The following SH3TC2 variants were observed in gnomAD, a reference collection of about 807,000 sequenced individuals.
The protein encoded by SH3TC2 is SH3 domain and tetratricopeptide repeat-containing protein 2.
A neutral mutation model predicts 124.5 loss-of-function variants in SH3TC2; 87 were observed. The ratio of observed to expected loss-of-function variants is 0.70; its 90% CI spans 0.59 to 0.84. The LOEUF (loss-of-function observed/expected upper bound fraction) is 0.84. Among genes scored for constraint, SH3TC2 ranks in the 40% least tolerant of loss-of-function variants. SH3TC2 has a pLI of 0.00. For synonymous variants in SH3TC2, 634 were observed against 628.5 expected (o/e 1.01, Z -0.13); for missense variants, 1,536 against 1,566.4 (o/e 0.98, Z 0.33).
In SH3TC2 at chr5:149,026,872, G is replaced by A. The variant is rs80338933; in HGVS notation, c.2860C>T (p.Arg954Ter). Residue 954 changes from arginine to a stop codon, truncating the protein, a stop_gained, in exon 11 of 17, where the codon CGA (arginine) becomes TGA (stop). Coordinates refer to ENST00000515425, the MANE Select transcript of SH3TC2 (RefSeq NM_024577.4). LOFTEE classifies it high-confidence loss of function. ...EMALLFGLRH[R>*]HLKSQLQATK... ...GGGACATACTTACTCTTTAGATGTCGATGCCTTAAGCCAAACAGCAATGCC... is the reference window on the plus strand; with the variant it reads ...GGGACATACTTACTCTTTAGATGTCAATGCCTTAAGCCAAACAGCAATGCC... 1.0e-3 allele frequency: 1,683 copies of A among 1,614,014 alleles called. 1 individual carries two copies. Among genetic ancestry groups the A allele is most frequent in the Non-Finnish European group, 1.3e-3 (1,527 of 1,180,040 alleles).
chr5:148,991,110 A>C lies in SH3TC2; in HGVS notation c.*13601T>G, dbSNP rs1026747352. On this transcript the variant is annotated 3_prime_UTR_variant, in exon 17 of 17. Transcript: ENST00000515425. Reference sequence around the variant, plus strand: ...TCCCTCAGAAGCCCCAAAACGTTTAATATGACCCTTTAAAACACCAGGAAC... The same window carrying C: ...TCCCTCAGAAGCCCCAAAACGTTTACTATGACCCTTTAAAACACCAGGAAC... Among the ~76,000 whole-genome samples the C allele has an allele frequency of 2.0e-5, 3 of 152,220 alleles. No individual in the cohort carries two copies. The highest frequency in any genetic ancestry group is 6.5e-5 in the Admixed American group (1 of 15,288).
rs373976471 is a variant in SH3TC2, at chr5:149,044,424, C to T, written c.385+109G>A. On this transcript the variant is annotated intron_variant, in intron 4 of 16. Coordinates refer to ENST00000515425, the MANE Select transcript of SH3TC2 (RefSeq NM_024577.4). ...CAAAAGTTAACCATCTTTTTTAAGGCTCTATTTCTCTTAATTACCAGAGCC... is the reference window on the plus strand; with the variant it reads ...CAAAAGTTAACCATCTTTTTTAAGGTTCTATTTCTCTTAATTACCAGAGCC... 43 of 815,754 alleles carry T rather than the reference C, an allele frequency of 5.3e-5. 1 individual carries two copies. In the South Asian group the frequency reaches 6.0e-4, roughly 11 times the overall value. The allele number at this position is 815,754 out of a possible 1,614,324, so 50.5% of individuals were successfully genotyped here.
At chr5:149,033,910 G>T (rs915976381) in intron 8 of SH3TC2, among the ~76,000 whole-genome samples, 33 of 152,098 alleles carry the variant, frequency 2.2e-4, no homozygotes, top group African/African-American at 7.2e-4. Flanking sequence ...CTTCAGTCCA[G>T]GATCCATATA....
chr5:149,023,473 T>G (rs886550671), intron 12 of SH3TC2, among the ~76,000 whole-genome samples: 1 of 152,024 alleles, frequency 6.6e-6, no homozygotes, highest in African/African-American at 2.4e-5. Context: ...AAATATTCCT[T>G]GATGGGTATT....
chr5:149,004,858 T>C lies in SH3TC2; in HGVS notation c.3720A>G (p.Ala1240=). 6.2e-7 allele frequency: 1 copy of C among 1,614,218 alleles called. No homozygotes were observed. The change falls in exon 17 of 17, where the codon GCA becomes GCG. Residue 1240 remains alanine (A), a synonymous_variant. Coordinates refer to ENST00000515425, the MANE Select transcript of SH3TC2 (RefSeq NM_024577.4). ...GCTCCTCATCACCCAGCAGGACCGC[T>C]GCTGCCAGGGCCAGAAGGAAGTACT... ...ATEYFLLALA[A]AVLLGDEELQ...
At position 148,986,905 on chromosome 5, in the gene SH3TC2, C is replaced by T. The variant is rs1049245763; in HGVS notation, c.*17806G>A. On this transcript the variant is annotated 3_prime_UTR_variant, in exon 17 of 17. Transcript: ENST00000515425. ...AAAATGCTGAGATTATTTAACAATG[C>T]AATAATATGAGGTCATATCAAGAAT... is the stretch of plus-strand genomic sequence containing the variant. Among the ~76,000 whole-genome samples, 2 of 152,134 alleles carry T rather than the reference C, an allele frequency of 1.3e-5. No individual in the cohort carries two copies. Among genetic ancestry groups the T allele is most frequent in the Admixed American group, 6.5e-5 (1 of 15,278 alleles).
At position 149,027,298 on chromosome 5, in the gene SH3TC2, C is replaced by G; in HGVS notation, c.2434G>C (p.Ala812Pro). 6.2e-7 allele frequency: 1 copy of G among 1,614,070 alleles called. No individual in the cohort carries two copies. Among genetic ancestry groups the G allele is most frequent in the Non-Finnish European group, 8.5e-7 (1 of 1,180,050 alleles). ...TCAAGCACATCCAAAGCCTTCTTGG[C>G]CTGGCTGGCTAAGAGATAGGCCCAT... ...LAWAYLLASQ[A>P]KKALDVLEPL... The change falls in exon 11 of 17, where the codon GCC becomes CCC. Residue 812 changes from alanine (A) to proline (P), a missense_variant. By Grantham distance (27) the Ala-to-Pro change is conservative. Transcript: ENST00000515425.
intron 8 of SH3TC2, among the ~76,000 whole-genome samples, chr5:149,033,393 C>T (rs1754231154): frequency 6.6e-6 from 1 of 152,168 alleles, no homozygotes; most frequent in Admixed American, 6.5e-5. Context: ...ATAGAAAAAT[C>T]TGTAACAAAG....
At chr5:149,059,259 CA>C (rs1278748038) in intron 1 of SH3TC2, among the ~76,000 whole-genome samples, 1 of 152,092 alleles carries the variant, frequency 6.6e-6, no homozygotes, top group African/African-American at 2.4e-5. Context: ...CCATCCAAAT[CA>C]ATGGGTAGGA....
intron 14 of SH3TC2, among the ~76,000 whole-genome samples, chr5:149,009,820 T>C (rs545122613): frequency 1.1e-4 from 16 of 152,278 alleles, no homozygotes; most frequent in African/African-American, 3.8e-4. Flanking sequence ...TTGTATTATA[T>C]ATTTTTAATT....
chr5:149,044,592 A>T lies in SH3TC2; in HGVS notation c.326T>A (p.Phe109Tyr). 1.9e-6 allele frequency: 3 copies of T among 1,614,076 alleles called. No individual in the cohort carries two copies. Among genetic ancestry groups the T allele is most frequent in the Non-Finnish European group, 2.5e-6 (3 of 1,179,980 alleles). ...LVSIQSQRAQ[F>Y]LITFKTMEEI... is the part of the protein sequence containing the mutation. ...CTCCATGGTCTTGAAGGTGATGAGAAACTGGGCCCTCTGAGACTGGATACT... is the reference window on the plus strand; with the variant it reads ...CTCCATGGTCTTGAAGGTGATGAGATACTGGGCCCTCTGAGACTGGATACT... Residue 109 changes from phenylalanine (F) to tyrosine (Y), a missense_variant, in exon 4 of 17, where the codon TTT (phenylalanine) becomes TAT (tyrosine). Around this residue, in one of 3 missense-constraint regions of SH3TC2, gnomAD observed 1,102 missense variants for 1,098.6 expected, o/e 1.00. Transcript: ENST00000515425.
intron 8 of SH3TC2, chr5:149,035,717 C>T (rs1754272839): frequency 6.6e-6 from 1 of 152,128 alleles, no homozygotes; most frequent in Non-Finnish European, 1.5e-5. Context: ...GCATTGGGTC[C>T]CACAACTGAC....
intron 1 of SH3TC2, among the ~76,000 whole-genome samples, chr5:149,062,114 T>C (rs550980447): frequency 6.6e-6 from 1 of 152,222 alleles, no homozygotes; most frequent in South Asian, 2.1e-4. Flanking sequence ...TCAGGAACCA[T>C]GGTGGAGCTC....
rs78254952 is a variant in SH3TC2, at chr5:148,987,394, C to T, written c.*17317G>A. 0.035 allele frequency among the ~76,000 whole-genome samples: 5,295 copies of T among 152,290 alleles called. 341 individuals are homozygous for T. Among genetic ancestry groups the T allele is most frequent in the Admixed American group, 0.17 (2,559 of 15,298 alleles). Reference sequence around the variant, plus strand: ...TGCCAGGCACATAGAAGGAATCTAACAACTATTTATTGAGTATGTAAGTAA... The same window carrying T: ...TGCCAGGCACATAGAAGGAATCTAATAACTATTTATTGAGTATGTAAGTAA... On this transcript the variant is annotated 3_prime_UTR_variant, in exon 17 of 17. Coordinates refer to ENST00000515425, the MANE Select transcript of SH3TC2 (RefSeq NM_024577.4).
At chr5:149,047,612 A>G (rs1754486022) in intron 3 of SH3TC2, 1 of 481,642 alleles carries the variant, frequency 2.1e-6, no homozygotes, top group Non-Finnish European at 3.8e-6. Flanking sequence ...AAAGATCACA[A>G]CTAATAGAAT....
At chr5:149,055,052 A>G (rs1002448829) in intron 1 of SH3TC2, among the ~76,000 whole-genome samples, 13 of 152,176 alleles carry the variant, frequency 8.5e-5, no homozygotes, top group Admixed American at 2.6e-4. Context: ...TTTTAAAAAG[A>G]TATCTATGCA....
chr5:149,008,766 A>G, intron 15 of SH3TC2, 85 bp downstream of exon 15: 2 of 1,583,380 alleles, frequency 1.3e-6, no homozygotes, highest in Non-Finnish European at 1.7e-6. Flanking sequence ...GTCTGACTCC[A>G]GGGCCTGCGG....
intron 2 of SH3TC2, among the ~76,000 whole-genome samples, chr5:149,049,547 A>G (rs1037560184): frequency 5.9e-5 from 9 of 152,166 alleles, no homozygotes; most frequent in African/African-American, 2.2e-4. Flanking sequence ...GAGGAGGAGC[A>G]CTTAAGCTCA....
At chr5:149,019,307 G>A (rs142890133) in intron 12 of SH3TC2, among the ~76,000 whole-genome samples, 2 of 152,190 alleles carry the variant, frequency 1.3e-5, no homozygotes, top group African/African-American at 4.8e-5. Context: ...TTTTTTTAAT[G>A]TTCTGTAGGA....
Sources: gnomAD v4.1 joint callset for allele counts (sites outside exome capture counted in the v4.1 genomes callset) on GRCh38, gnomAD v4.1.1 for gene constraint, gnomAD v4.1.1 regional missense constraint, MANE v1.5 for transcripts, NCBI Gene and HGNC (gene_info 2026-07-23, HGNC 2026-07-21) for gene names.